Variants in DEPDC5 observed in about 807,000 individuals in gnomAD.
The protein encoded by DEPDC5 is GATOR1 complex protein DEPDC5.
DEPDC5 carries 73 observed loss-of-function variants against 217.3 expected under a neutral mutation model. The observed-to-expected ratio is 0.34, with a 90% CI of 0.28 to 0.41. DEPDC5 has a LOEUF of 0.41. Ranked by LOEUF, DEPDC5 falls within the 10% of genes least tolerant of loss-of-function variation. The probability of loss-of-function intolerance (pLI) is 1.00; values close to 1 mark genes in which losing one functional copy is unlikely to be tolerated. For synonymous variants in DEPDC5, 733 were observed against 756.7 expected, an observed-to-expected ratio of 0.97 and a Z score of 0.51; for missense variants, 1,675 against 2,070.1, an observed-to-expected ratio of 0.81 and a Z score of 3.70.
At chr22:31,822,917 C>T (rs1158879039) in intron 24 of DEPDC5, 127 bp downstream of exon 24, 2 of 927,708 alleles carry the variant, frequency 2.2e-6, no homozygotes, top group East Asian at 2.7e-5. Flanking sequence ...TTTGGGTGAC[C>T]TATTTAGAAA....
At chr22:31,867,687 A>G (rs2092725004) in intron 33 of DEPDC5, among the ~76,000 whole-genome samples, 1 of 152,208 alleles carries the variant, frequency 6.6e-6, no homozygotes, top group African/African-American at 2.4e-5. Flanking sequence ...TAGTTGTGAC[A>G]GAGACCCTAT....
At chr22:31,802,264 G>T (rs960784411) in intron 14 of DEPDC5, among the ~76,000 whole-genome samples, 3 of 151,674 alleles carry the variant, frequency 2.0e-5, no homozygotes, top group African/African-American at 7.3e-5. Flanking sequence ...ACATAGCTGG[G>T]ATTACAGGTG....
At position 31,821,540 on chromosome 22, in the gene DEPDC5, C is replaced by T. The variant is rs780960812; in HGVS notation, c.1909C>T (p.Arg637Ter). 5.9e-5 allele frequency: 95 copies of T among 1,614,048 alleles called. No homozygotes were observed. The highest frequency in any genetic ancestry group is 7.5e-5 in the Non-Finnish European group (89 of 1,180,040). The change falls in exon 23 of 43, where the codon CGA becomes TGA. Residue 637 changes from arginine to a stop codon, truncating the protein, a stop_gained. Coordinates refer to ENST00000651528, the MANE Select transcript of DEPDC5 (RefSeq NM_001242896.3). LOFTEE classifies it high-confidence loss of function. ...GEAIQIHHQT[R>*]QNMAELQGSG... ...AGCCATCCAGATCCACCACCAGACC[C>T]GACAGAATATGGCGGAGCTACAAGG...
rs181975923 is a variant in DEPDC5 at position 31,795,890 on chromosome 22, C to G, written c.768-1710C>G. Reference sequence around the variant, plus strand: ...GGATTACAGGCATGTGCCACCACACCTGGCTGATTTTGTATTTTTAGTAGA... The same window carrying G: ...GGATTACAGGCATGTGCCACCACACGTGGCTGATTTTGTATTTTTAGTAGA... On this transcript the variant is annotated intron_variant, in intron 12 of 42. Transcript: ENST00000651528. Among the ~76,000 whole-genome samples, 514 of 151,836 alleles carry G rather than the reference C, an allele frequency of 3.4e-3. 2 individuals are homozygous for G. The highest frequency in any genetic ancestry group is 0.012 in the African/African-American group (495 of 41,388).
At chr22:31,768,060 A>G (rs1354241842) in intron 6 of DEPDC5, among the ~76,000 whole-genome samples, 1 of 151,356 alleles carries the variant, frequency 6.6e-6, no homozygotes, top group Non-Finnish European at 1.5e-5. Flanking sequence ...TTTTAAAAAA[A>G]AATATTTTTA....
chr22:31,777,117 G>A (rs945903872), intron 7 of DEPDC5, among the ~76,000 whole-genome samples: 4 of 149,964 alleles, frequency 2.7e-5, no homozygotes, highest in African/African-American at 9.8e-5. Context: ...GTGCCACCAT[G>A]CCCAGCTAAT....
At chr22:31,767,209 TG>T (rs952199441) in intron 6 of DEPDC5, among the ~76,000 whole-genome samples, 3 of 151,976 alleles carry the variant, frequency 2.0e-5, no homozygotes, top group African/African-American at 7.2e-5. Flanking sequence ...GGTGGGATCT[TG>T]GCTTACTGTA....
At chr22:31,761,868 C>T (rs1265902397) in intron 4 of DEPDC5, among the ~76,000 whole-genome samples, 5 of 149,604 alleles carry the variant, frequency 3.3e-5, no homozygotes, top group Middle Eastern at 3.5e-3. Flanking sequence ...CCCTGGAGGC[C>T]GAGGTAGGAG....
rs749420288 is a variant in DEPDC5 at position 31,783,973 on chromosome 22, T to A, written c.550T>A (p.Phe184Ile). Reference protein sequence around the residue: ...FIQMSCEMWDFDIYGDLYFEK... With the variant: ...FIQMSCEMWDIDIYGDLYFEK... ...TCAGATGAGCTGTGAAATGTGGGATTTTGATATTTATGGTACTGTGTCTAT... is the reference window on the plus strand; with the variant it reads ...TCAGATGAGCTGTGAAATGTGGGATATTGATATTTATGGTACTGTGTCTAT... The change falls in exon 9 of 43, where the codon TTT (phenylalanine) becomes ATT (isoleucine). Residue 184 changes from phenylalanine (F) to isoleucine (I), a missense_variant. Physicochemically the swap from Phe to Ile is conservative, Grantham distance 21. Coordinates refer to ENST00000651528, the MANE Select transcript of DEPDC5 (RefSeq NM_001242896.3). The A allele has an allele frequency of 1.2e-6, 2 of 1,613,626 alleles. No individual in the cohort carries two copies. The highest frequency in any genetic ancestry group is 1.7e-6 in the Non-Finnish European group (2 of 1,179,726).
intron 41 of DEPDC5, among the ~76,000 whole-genome samples, chr22:31,902,647 C>G (rs2149425933): frequency 6.6e-6 from 1 of 152,056 alleles, no homozygotes; most frequent in South Asian, 2.1e-4. Context: ...GAGAGTGCAG[C>G]AGTCAATGGG....
intron 38 of DEPDC5, among the ~76,000 whole-genome samples, chr22:31,883,935 CA>C (rs1419504969): frequency 6.6e-6 from 1 of 152,140 alleles, no homozygotes; most frequent in African/African-American, 2.4e-5. Context: ...CTGGTCTTCC[CA>C]ATGCACTCCC....
At chr22:31,865,955 G>T (rs145369213) in intron 33 of DEPDC5, among the ~76,000 whole-genome samples, 56 of 152,278 alleles carry the variant, frequency 3.7e-4, no homozygotes, top group Non-Finnish European at 6.0e-4. Context: ...ATTTGTCTCC[G>T]GGTAAGACAA....
intron 21 of DEPDC5, chr22:31,816,022 G>A (rs529001415): frequency 9.1e-6 from 9 of 985,372 alleles, no homozygotes; most frequent in East Asian, 2.3e-4. Context: ...TTTACCGGTC[G>A]GGCGCAGTGG....
chr22:31,759,727 G>C (rs1274800516), intron 3 of DEPDC5, among the ~76,000 whole-genome samples: 3 of 141,306 alleles, frequency 2.1e-5, no homozygotes, highest in Non-Finnish European at 3.0e-5. Context: ...CTGTCACCCA[G>C]GCTGGAGTGC....
intron 32 of DEPDC5, among the ~76,000 whole-genome samples, chr22:31,860,033 T>C (rs1168658383): frequency 6.6e-6 from 1 of 152,214 alleles, no homozygotes; most frequent in Non-Finnish European, 1.5e-5. Flanking sequence ...AGGACATGAC[T>C]GAAAAGCAGA....
intron 2 of DEPDC5, among the ~76,000 whole-genome samples, chr22:31,756,803 C>T (rs1326644251): frequency 1.3e-5 from 2 of 151,856 alleles, no homozygotes; most frequent in African/African-American, 4.8e-5. Context: ...TGCCTGTAAT[C>T]TCAGCTACTA....
At chr22:31,757,852 C>G (rs1422787283) in intron 2 of DEPDC5, among the ~76,000 whole-genome samples, 1 of 152,142 alleles carries the variant, frequency 6.6e-6, no homozygotes, top group Non-Finnish European at 1.5e-5. Context: ...TAACCTCTGC[C>G]TCCCGGGTTC....
chr22:31,835,868 G>A (rs542628352), intron 25 of DEPDC5, among the ~76,000 whole-genome samples: 1 of 152,310 alleles, frequency 6.6e-6, no homozygotes, highest in South Asian at 2.1e-4. Context: ...TTTCTGCTGT[G>A]ACTTAGCACA....
chr22:31,809,747 A>G, intron 19 of DEPDC5, 100 bp downstream of exon 19: 1 of 1,236,754 alleles, frequency 8.1e-7, no homozygotes. Flanking sequence ...TGGGAGGCCA[A>G]GGTTGGTGGA....
Sources: gnomAD v4.1 joint callset for allele counts (sites outside exome capture counted in the v4.1 genomes callset) on GRCh38, gnomAD v4.1.1 for gene constraint, MANE v1.5 for transcripts, NCBI Gene and HGNC (gene_info 2026-07-23, HGNC 2026-07-21) for gene names.